The following NME7 variants were observed in gnomAD, a reference collection of about 807,000 sequenced individuals.
NME7 encodes the protein NME/NM23 family member 7.
Under a neutral mutation model 49.1 loss-of-function variants are expected in NME7, and 41 were observed. The ratio of observed to expected loss-of-function variants is 0.83; its 90% CI spans 0.65 to 1.08. The LOEUF (loss-of-function observed/expected upper bound fraction) is 1.08, where lower values mean the gene tolerates loss of function less well. NME7 is among the 50% of genes least tolerant of loss of function. The pLI, the probability that NME7 is intolerant of heterozygous loss-of-function variation, is 0.00. For missense variants in NME7, 423 were observed against 463.4 expected (o/e 0.91, Z 0.80); for synonymous variants, 139 against 150.6 (o/e 0.92, Z 0.56).
intron 10 of NME7, among the ~76,000 whole-genome samples, chr1:169,211,543 A>G (rs1660819686): frequency 1.3e-5 from 2 of 152,198 alleles, no homozygotes; most frequent in South Asian, 4.1e-4. Flanking sequence ...TTAACAGAGA[A>G]TACTTTTCTA....
intron 10 of NME7, among the ~76,000 whole-genome samples, chr1:169,205,960 G>C (rs774580678): frequency 5.9e-5 from 9 of 152,048 alleles, no homozygotes; most frequent in Non-Finnish European, 1.2e-4. Flanking sequence ...GGCACTTGCT[G>C]TTCCTCCAGC....
intron 7 of NME7, among the ~76,000 whole-genome samples, chr1:169,282,545 T>C (rs1270283604): frequency 1.3e-5 from 2 of 152,168 alleles, no homozygotes; most frequent in African/African-American, 4.8e-5. Flanking sequence ...GATGTTAGGG[T>C]ATCAATTTTA....
intron 7 of NME7, among the ~76,000 whole-genome samples, chr1:169,274,910 A>G (rs1649640763): frequency 7.5e-6 from 1 of 133,362 alleles, no homozygotes; most frequent in African/African-American, 2.5e-5. Context: ...TGATGCCTCC[A>G]GCTTTGTTCT....
chr1:169,224,370 G>C (rs2101810465), intron 10 of NME7, among the ~76,000 whole-genome samples: 1 of 152,168 alleles, frequency 6.6e-6, no homozygotes, highest in South Asian at 2.1e-4. Context: ...TACCCCACCT[G>C]GGCTCTAAAA....
chr1:169,220,385 C>A (rs1571301794), intron 10 of NME7, among the ~76,000 whole-genome samples: 1 of 152,126 alleles, frequency 6.6e-6, no homozygotes, highest in Non-Finnish European at 1.5e-5. Flanking sequence ...GAGTGATTAA[C>A]CATCCCACTT....
intron 11 of NME7, among the ~76,000 whole-genome samples, chr1:169,136,423 C>T (rs1156574442): frequency 6.6e-6 from 1 of 152,144 alleles, no homozygotes; most frequent in East Asian, 1.9e-4. Flanking sequence ...CTAGAGCAGG[C>T]CTTTCTTTTC....
chr1:169,366,652 A>G (rs1653870098), intron 1 of NME7, among the ~76,000 whole-genome samples: 1 of 152,222 alleles, frequency 6.6e-6, no homozygotes, highest in African/African-American at 2.4e-5. Context: ...TAGAAATACA[A>G]GACTAAAGGC....
In NME7 at chr1:169,169,495, G is replaced by A. The variant is rs1394885619; in HGVS notation, c.1050C>T (p.Ile350=). Residue 350 remains isoleucine (I), a synonymous_variant, in exon 11 of 12, where the codon ATC becomes ATT. Transcript: ENST00000367811. ...GATCAGTACAGTGAACAGCATTCTG[G>A]ATCTTAGTTTTACCAAAGATTGCTC... ...TLRAIFGKTK[I]QNAVHCTDLP... is the part of the protein sequence containing the mutation. The A allele has an allele frequency of 6.2e-7, 1 of 1,614,010 alleles. No individual in the cohort carries two copies. The highest frequency in any genetic ancestry group is 1.7e-4 in the Middle Eastern group (1 of 6,060).
intron 10 of NME7, among the ~76,000 whole-genome samples, chr1:169,206,307 C>T (rs1015963885): frequency 5.3e-5 from 8 of 151,956 alleles, no homozygotes; most frequent in Non-Finnish European, 1.2e-4. Context: ...GATGAATTAA[C>T]TAATTAATTA....
At chr1:169,218,517 T>G (rs990051704) in intron 10 of NME7, among the ~76,000 whole-genome samples, 2 of 152,006 alleles carry the variant, frequency 1.3e-5, no homozygotes, top group African/African-American at 4.8e-5. Flanking sequence ...GATGGGGAGA[T>G]TCAGGCTGCC....
chr1:169,197,428 T>C (rs1168911046), intron 10 of NME7, among the ~76,000 whole-genome samples: 1 of 152,058 alleles, frequency 6.6e-6, no homozygotes, highest in East Asian at 1.9e-4. Context: ...TGTGTATTCT[T>C]AGATGTCAAC....
intron 1 of NME7, among the ~76,000 whole-genome samples, chr1:169,332,901 G>A (rs922237955): frequency 1.6e-4 from 25 of 152,130 alleles, no homozygotes; most frequent in African/African-American, 5.8e-4. Context: ...CCACTATGGA[G>A]AACAGTTTGA....
In NME7 at chr1:169,242,537, GCT is replaced by G. The variant is rs370034391; in HGVS notation, c.755-4852_755-4851del. Among the ~76,000 whole-genome samples the G allele has an allele frequency of 1.5e-4, 23 of 151,942 alleles. No individual in the cohort carries two copies. In the East Asian group the frequency reaches 4.4e-3, roughly 29 times the overall value. ...CAAGGCAAGAATGTCCATTCTCATTGCTCTGATTCAACATGGTGCTGGAAAAT... is the reference window on the plus strand; with the variant it reads ...CAAGGCAAGAATGTCCATTCTCATTGCTGATTCAACATGGTGCTGGAAAAT... On this transcript the variant is annotated intron_variant, in intron 7 of 11. Coordinates refer to ENST00000367811, the MANE Select transcript of NME7 (RefSeq NM_013330.5).
At chr1:169,190,804 T>TC (rs1660200802) in intron 10 of NME7, 1 of 38,302 alleles carries the variant, frequency 2.6e-5, no homozygotes, top group Non-Finnish European at 5.4e-5. Context: ...GTTTCTTTTT[T>TC]TTTTTTTTTT....
At chr1:169,278,312 T>C (rs1649836024) in intron 7 of NME7, among the ~76,000 whole-genome samples, 1 of 151,754 alleles carries the variant, frequency 6.6e-6, no homozygotes, top group Admixed American at 6.6e-5. Flanking sequence ...TCCCCGTCAC[T>C]TTCAGGTACA....
chr1:169,285,966 T>G (rs1650262222), intron 7 of NME7: 1 of 152,188 alleles, frequency 6.6e-6, no homozygotes, highest in Non-Finnish European at 1.5e-5. Context: ...TATAAAGATA[T>G]TCTTCAAAGT....
chr1:169,206,881 A>G (rs558061947), intron 10 of NME7, among the ~76,000 whole-genome samples: 7 of 152,270 alleles, frequency 4.6e-5, no homozygotes, highest in Admixed American at 2.0e-4. Context: ...ACACATAGCT[A>G]TAACAGTGAT....
chr1:169,153,186 G>C (rs1658958869), intron 11 of NME7, among the ~76,000 whole-genome samples: 1 of 152,032 alleles, frequency 6.6e-6, no homozygotes, highest in African/African-American at 2.4e-5. Context: ...ATATAAAATG[G>C]AGATAATAGA....
intron 11 of NME7, among the ~76,000 whole-genome samples, chr1:169,142,382 G>C (rs1376295208): frequency 1.3e-5 from 2 of 152,126 alleles, no homozygotes; most frequent in African/African-American, 2.4e-5. Context: ...GTTTTCCTAG[G>C]AATTAATTTC....
Sources: gnomAD v4.1 joint callset for allele counts (sites outside exome capture counted in the v4.1 genomes callset) on GRCh38, gnomAD v4.1.1 for gene constraint, MANE v1.5 for transcripts, NCBI Gene and HGNC (gene_info 2026-07-23, HGNC 2026-07-21) for gene names.